The following NLRX1 variants were observed in gnomAD, a reference collection of about 807,000 sequenced individuals.
The protein encoded by NLRX1 is NOD-like receptor X1.
Under a neutral mutation model 74.2 loss-of-function variants are expected in NLRX1, and 67 were observed. That is an observed-to-expected ratio of 0.90 (90% CI 0.74 to 1.11). The LOEUF (loss-of-function observed/expected upper bound fraction) is 1.11. Among genes scored for constraint, NLRX1 ranks in the 50% least tolerant of loss-of-function variants. The pLI is 0.00. For missense variants in NLRX1, 1,191 were observed against 1,305.4 expected, an observed-to-expected ratio of 0.91 and a Z score of 1.35; for synonymous variants, 506 against 559.1, an observed-to-expected ratio of 0.91 and a Z score of 1.34.
At position 119,174,007 on chromosome 11, in the gene NLRX1, T is replaced by G; in HGVS notation, c.758T>G (p.Leu253Arg). Residue 253 changes from leucine (L) to arginine (R), a missense_variant, in exon 5 of 10, where the codon CTG becomes CGG. Leu to Arg is a moderately radical substitution (Grantham distance 102). Transcript: ENST00000409109. ...GLEHLNLDFR[L>R]AGTGLCSDPE... ...GAGCATCTCAACCTCGACTTCCGGC[T>G]GGCAGGCACGGGACTTTGTAGTGAC... 6.2e-7 allele frequency: 1 copy of G among 1,614,172 alleles called. No homozygotes were observed. Among genetic ancestry groups the G allele is most frequent in the Middle Eastern group, 1.6e-4 (1 of 6,062 alleles).
At position 119,175,133 on chromosome 11, in the gene NLRX1, G is replaced by A; in HGVS notation, c.1530G>A (p.Leu510=). Residue 510 remains leucine (L), a synonymous_variant, in exon 6 of 10, where the codon TTG becomes TTA. Transcript: ENST00000409109. ...CTGCCCTCTACATTGTGCTGGGTTT[G>A]CGCAAGACGACCCTGCAAAAGGTGG... ...YLAALYIVLG[L]RKTTLQKVGK... 2 of 1,614,232 alleles carry A rather than the reference G, an allele frequency of 1.2e-6. No individual in the cohort carries two copies. The highest frequency in any genetic ancestry group is 1.7e-6 in the Non-Finnish European group (2 of 1,180,042).
chr11:119,173,756 C>T lies in NLRX1; in HGVS notation c.507C>T (p.Gly169=). The T allele has an allele frequency of 6.2e-7, 1 of 1,613,678 alleles. No homozygotes were observed. Reference sequence around the variant, plus strand: ...CAGTGGTGCTGTATGGGACAGTGGGCACAGGCAAGAGCACGCTGGTGCGCA... The same window carrying T: ...CAGTGGTGCTGTATGGGACAGTGGGTACAGGCAAGAGCACGCTGGTGCGCA... ...VQTVVLYGTV[G]TGKSTLVRKM... Residue 169 remains glycine, a synonymous_variant, in exon 5 of 10, where the codon GGC becomes GGT. Coordinates refer to ENST00000409109, the MANE Select transcript of NLRX1 (RefSeq NM_001282144.2). This position sits in a 1 kb window ranked among gnomAD's most constrained non-coding sequence, Gnocchi z 4.0.
chr11:119,171,128 CAAAAAAG>C lies in NLRX1; in HGVS notation c.-48-214_-48-208del, dbSNP rs374105972. Among the ~76,000 whole-genome samples the C allele has an allele frequency of 5.6e-4, 85 of 151,134 alleles. 1 individual carries two copies. The East Asian group carries it at 0.012, about 22-fold the overall frequency. On this transcript the variant is annotated intron_variant, in intron 1 of 9. Transcript: ENST00000409109. ...TGGGCAACAGAGGGGCACTCCATCT[CAAAAAAG>C]AAAAAAGAAAAAAAAGGTGGTAGGA...
In NLRX1 at chr11:119,182,345, A is replaced by G; in HGVS notation, c.2606A>G (p.His869Arg). The stretch of plus-strand genomic sequence containing the variant: ...GAGCACCCTTCCCTGGAACTGCTAC[A>G]GTGAGTCCTGTCCCTGGTCCCATTG... ...AREHPSLELL[H>R]LYFNELSSEG... The change falls in exon 9 of 10, where the codon CAC (histidine) becomes CGC (arginine). Residue 869 changes from histidine to arginine, a missense_variant and splice_region_variant. Physicochemically the swap from His to Arg is conservative, Grantham distance 29. Coordinates refer to ENST00000409109, the MANE Select transcript of NLRX1 (RefSeq NM_001282144.2). The G allele has an allele frequency of 6.2e-7, 1 of 1,610,930 alleles. No homozygotes were observed. The highest frequency in any genetic ancestry group is 8.5e-7 in the Non-Finnish European group (1 of 1,179,336).
Position 119,173,140 on chromosome 11 carries a change from T to C in NLRX1, c.229+151T>C. The stretch of plus-strand genomic sequence containing the variant: ...TCTCTCTCCCTCCCATCCGTCTATG[T>C]ATCCCTTCCTGCAATACTCTTGCAA... On this transcript the variant is annotated intron_variant, in intron 4 of 9. Coordinates refer to ENST00000409109, the MANE Select transcript of NLRX1 (RefSeq NM_001282144.2). This position sits in a 1 kb window ranked among gnomAD's most constrained non-coding sequence, Gnocchi z 4.0. 1.5e-6 allele frequency: 1 copy of C among 659,552 alleles called. No individual in the cohort carries two copies. The highest frequency in any genetic ancestry group is 1.7e-5 in the South Asian group (1 of 58,044). 40.9% of individuals were successfully genotyped at this position (659,552 alleles called of 1,614,324 possible).
rs1948603282 is a variant in NLRX1 at position 119,173,411 on chromosome 11, CCT to C, written c.230-67_230-66del. On this transcript the variant is annotated intron_variant, in intron 4 of 9. Transcript: ENST00000409109. The surrounding 1 kb of genome is among the most constrained non-coding windows in gnomAD (Gnocchi z 4.0). ...TGTCCCAGCCTGACCTCACCACCGCCCTGATTGGCCCTAAGCTACATCTCCAG... is the reference window on the plus strand; with the variant it reads ...TGTCCCAGCCTGACCTCACCACCGCCGATTGGCCCTAAGCTACATCTCCAG... 4 of 1,539,732 alleles carry C rather than the reference CCT, an allele frequency of 2.6e-6. No individual in the cohort carries two copies. The highest frequency in any genetic ancestry group is 3.5e-6 in the Non-Finnish European group (4 of 1,138,562).
chr11:119,177,373 C>T (rs978261784), intron 6 of NLRX1, among the ~76,000 whole-genome samples: 6 of 151,710 alleles, frequency 4.0e-5, no homozygotes, highest in East Asian at 2.0e-4. Context: ...TGAGCCACCA[C>T]GCCCGGCCTA....
rs142253287 is a variant in NLRX1, at chr11:119,183,319, A to G, written c.2808A>G (p.Leu936=). The change falls in exon 10 of 10, where the codon CTA becomes CTG. Residue 936 remains leucine (L), a synonymous_variant. Coordinates refer to ENST00000409109, the MANE Select transcript of NLRX1 (RefSeq NM_001282144.2). The surrounding 1 kb of genome is among the most constrained non-coding windows in gnomAD (Gnocchi z 5.7). ...RARVQRHLEL[L]LRDLEDSRGA... ...GGGTTCAGCGACACCTTGAGCTCCT[A>G]CTGCGGGATCTGGAAGATAGCCGGG... is the stretch of plus-strand genomic sequence containing the variant. 10 of 1,614,086 alleles carry G rather than the reference A, an allele frequency of 6.2e-6. No individual in the cohort carries two copies. The South Asian group carries it at 6.6e-5, about 11-fold the overall frequency.
rs376113331 is a variant in NLRX1, at chr11:119,173,573, G to C, written c.324G>C (p.Thr108=). 1.4e-5 allele frequency: 23 copies of C among 1,614,022 alleles called. No homozygotes were observed. The African/African-American group carries it at 2.9e-4, about 21-fold the overall frequency. Residue 108 remains threonine, a synonymous_variant, in exon 5 of 10, where the codon ACG becomes ACC. Coordinates refer to ENST00000409109, the MANE Select transcript of NLRX1 (RefSeq NM_001282144.2). This position sits in a 1 kb window ranked among gnomAD's most constrained non-coding sequence, Gnocchi z 4.0. ...RQFGPTFALD[T]VHVDPVIRES... is the part of the protein sequence containing the mutation. ...TTGGCCCAACCTTTGCCCTAGACAC[G>C]GTCCACGTTGACCCTGTGATCCGCG...
intron 2 of NLRX1, among the ~76,000 whole-genome samples, chr11:119,171,782 T>C (rs1055663624): frequency 1.1e-4 from 17 of 151,168 alleles, no homozygotes; most frequent in African/African-American, 4.2e-4. Context: ...AAACCCTGTC[T>C]CTATTAAAAC....
Position 119,174,824 on chromosome 11 carries a change from C to T in NLRX1, c.1221C>T (p.Ser407=), listed in dbSNP as rs73564479. 7,270 of 1,614,006 alleles carry T rather than the reference C, an allele frequency of 4.5e-3. 289 individuals are homozygous for T. In the African/African-American group the frequency reaches 0.084, roughly 19 times the overall value. ...IYTSFLRLNF[S]GETLDSTDPS... is the part of the protein sequence containing the mutation. ...CCAGCTTCCTGCGCCTCAACTTCAG[C>T]GGGGAAACCCTGGACAGCACTGACC... The change falls in exon 6 of 10, where the codon AGC becomes AGT. Residue 407 remains serine (S), a synonymous_variant. Transcript: ENST00000409109.
intron 6 of NLRX1, among the ~76,000 whole-genome samples, chr11:119,177,498 C>T (rs573629960): frequency 5.3e-4 from 80 of 151,288 alleles, no homozygotes; most frequent in African/African-American, 1.8e-3. Flanking sequence ...TGTGGTGGCA[C>T]GTGTCTGTAA....
chr11:119,172,535 TGG>T (rs1398282538), intron 3 of NLRX1, 110 bp downstream of exon 3: 2 of 827,206 alleles, frequency 2.4e-6, no homozygotes, highest in African/African-American at 3.6e-5. Context: ...GGGAGGGGCT[TGG>T]TCCTTTGGGG....
Position 119,174,062 on chromosome 11 carries a change from C to T in NLRX1, c.813C>T (p.Ile271=), listed in dbSNP as rs1280845931. Reference sequence around the variant, plus strand: ...AGGAACCGCAGGAACCAGCTGCTATCATCGTCAACCTGCTGCGCAAATACA... The same window carrying T: ...AGGAACCGCAGGAACCAGCTGCTATTATCGTCAACCTGCTGCGCAAATACA... ...DPEEPQEPAA[I]IVNLLRKYML... Residue 271 remains isoleucine, a synonymous_variant, in exon 5 of 10, where the codon ATC becomes ATT. Coordinates refer to ENST00000409109, the MANE Select transcript of NLRX1 (RefSeq NM_001282144.2). 1 of 1,614,094 alleles carries T rather than the reference C, an allele frequency of 6.2e-7. No individual in the cohort carries two copies. Among genetic ancestry groups the T allele is most frequent in the Non-Finnish European group, 8.5e-7 (1 of 1,180,010 alleles).
In NLRX1 at chr11:119,183,119, C is replaced by T; in HGVS notation, c.2608C>T (p.Leu870Phe). The change falls in exon 10 of 10, where the codon CTC becomes TTC. Residue 870 changes from leucine to phenylalanine, a missense_variant and splice_region_variant. Coordinates refer to ENST00000409109, the MANE Select transcript of NLRX1 (RefSeq NM_001282144.2). The surrounding 1 kb of genome is among the most constrained non-coding windows in gnomAD (Gnocchi z 5.7). ...REHPSLELLH[L>F]YFNELSSEGR... is the part of the protein sequence containing the mutation. ...CATCGACTTTCTCTCTCCTGCCAGC[C>T]TCTACTTCAATGAGCTGAGCTCAGA... 6.2e-7 allele frequency: 1 copy of T among 1,613,732 alleles called. No homozygotes were observed. The highest frequency in any genetic ancestry group is 8.5e-7 in the Non-Finnish European group (1 of 1,179,856).
chr11:119,171,001 A>G (rs369530521), intron 1 of NLRX1, among the ~76,000 whole-genome samples: 1 of 152,068 alleles, frequency 6.6e-6, no homozygotes, highest in Non-Finnish European at 1.5e-5. Context: ...AAATTAGCCC[A>G]GTGTGGTGGT....
chr11:119,172,783 TG>T, intron 3 of NLRX1, 117 bp from the exon 4 acceptor site: 1 of 765,682 alleles, frequency 1.3e-6, no homozygotes, highest in Non-Finnish European at 2.3e-6. Context: ...GGGTCCAGTG[TG>T]GGGCCTTTAT....
At chr11:119,172,850 G>A in intron 3 of NLRX1, 51 bp from the exon 4 acceptor site, 1 of 1,368,682 alleles carries the variant, frequency 7.3e-7, no homozygotes, top group African/African-American at 1.4e-5. Flanking sequence ...AGCCTGTGAA[G>A]GGGCTGATCC....
In NLRX1 at chr11:119,182,177, C is replaced by T; in HGVS notation, c.2438C>T (p.Ser813Phe). Residue 813 changes from serine to phenylalanine, a missense_variant, in exon 9 of 10, where the codon TCC (serine) becomes TTC (phenylalanine). Ser to Phe is a radical substitution (Grantham distance 155). Coordinates refer to ENST00000409109, the MANE Select transcript of NLRX1 (RefSeq NM_001282144.2). ...LAGNTSVTHL[S>F]LLHTGLGDEG... ...GGAAACACCTCAGTGACGCACCTGT[C>T]CCTGCTGCACACGGGCCTTGGGGAC... The T allele has an allele frequency of 6.2e-7, 1 of 1,614,140 alleles. No homozygotes were observed. The highest frequency in any genetic ancestry group is 8.5e-7 in the Non-Finnish European group (1 of 1,180,042).
Sources: allele counts gnomAD v4.1 joint callset (sites outside exome capture counted in the v4.1 genomes callset), GRCh38; gene constraint gnomAD v4.1.1; non-coding constraint Gnocchi (gnomAD v3.1); transcripts MANE v1.5; gene names NCBI Gene and HGNC (gene_info 2026-07-23, HGNC 2026-07-21).